Variants in DACH2 observed in about 807,000 individuals in gnomAD.
DACH2 encodes the protein dachshund family transcription factor 2.
In DACH2, 17 loss-of-function variants were observed where a neutral mutation model predicts 35.8. The observed-to-expected ratio is 0.48, with a 90% CI of 0.33 to 0.71. DACH2 has a LOEUF of 0.71. DACH2 is among the 30% of genes least tolerant of loss of function. The probability of loss-of-function intolerance (pLI) is 0.02; values close to 1 mark genes in which losing one functional copy is unlikely to be tolerated. For synonymous variants in DACH2, 195 were observed against 177.3 expected (o/e 1.10, Z -0.79); for missense variants, 469 against 472.7 (o/e 0.99, Z 0.07).
intron 5 of DACH2, among the ~76,000 whole-genome samples, chrX:86,702,344 A>G (rs750507440): frequency 9.0e-6 from 1 of 111,367 alleles, no homozygotes. Context: ...ACAAATTAAC[A>G]ACCTAACATC....
intron 2 of DACH2, among the ~76,000 whole-genome samples, chrX:86,459,268 A>G (rs933827641): frequency 6.3e-5 from 7 of 111,577 alleles, no homozygotes; most frequent in African/African-American, 2.3e-4. Context: ...TGGGACAGAT[A>G]TTTATAGAAG....
chrX:86,160,885 C>A (rs1373084471), intron 1 of DACH2: 5 of 591,174 alleles, frequency 8.5e-6, no homozygotes, highest in East Asian at 3.3e-5. Flanking sequence ...CCAATGCCAC[C>A]AATTTTGTGG....
At chrX:86,232,210 G>A in intron 1 of DACH2, among the ~76,000 whole-genome samples, 1 of 111,479 alleles carries the variant, frequency 9.0e-6, no homozygotes, top group African/African-American at 3.3e-5. Context: ...ACTGAAGATG[G>A]AATAAAGACT....
intron 4 of DACH2, among the ~76,000 whole-genome samples, chrX:86,691,186 A>G (rs2041006324): frequency 9.0e-6 from 1 of 111,414 alleles, no homozygotes. Flanking sequence ...CAAAGCTAGT[A>G]TGGTCTGGTT....
At chrX:86,683,252 G>T in intron 4 of DACH2, among the ~76,000 whole-genome samples, 1 of 110,681 alleles carries the variant, frequency 9.0e-6, no homozygotes, top group African/African-American at 3.3e-5. Context: ...TAAATATTTT[G>T]TTCTTTCTTA....
chrX:86,407,400 G>A (rs773781261), intron 2 of DACH2, among the ~76,000 whole-genome samples: 6 of 111,655 alleles, frequency 5.4e-5, no homozygotes, highest in East Asian at 5.6e-4. Flanking sequence ...TCAATAAAGC[G>A]TGGCTTTTCT....
intron 1 of DACH2, among the ~76,000 whole-genome samples, chrX:86,211,703 T>C (rs1347870243): frequency 3.6e-5 from 4 of 111,986 alleles, no homozygotes; most frequent in African/African-American, 1.3e-4. Flanking sequence ...CCCTTTACCT[T>C]GGCAAAATAT....
intron 11 of DACH2, among the ~76,000 whole-genome samples, chrX:86,824,265 G>T (rs975165692): frequency 2.7e-5 from 3 of 111,227 alleles, no homozygotes; most frequent in Non-Finnish European, 5.7e-5. Context: ...TTCCTTGCTA[G>T]CAAAAGAATT....
intron 1 of DACH2, among the ~76,000 whole-genome samples, chrX:86,290,248 T>C (rs1324818401): frequency 2.2e-4 from 14 of 64,562 alleles, no homozygotes; most frequent in Non-Finnish European, 3.7e-4. Context: ...TCATGTCCTT[T>C]GCCCAATTTT....
At chrX:86,753,435 A>G (rs1183443379) in intron 7 of DACH2, among the ~76,000 whole-genome samples, 1 of 111,934 alleles carries the variant, frequency 8.9e-6, no homozygotes, top group Non-Finnish European at 1.9e-5. Flanking sequence ...TCATAAACAG[A>G]GGAATCTAGA....
chrX:86,738,818 T>C (rs2041623695), intron 6 of DACH2, among the ~76,000 whole-genome samples: 1 of 111,578 alleles, frequency 9.0e-6, no homozygotes, highest in Non-Finnish European at 1.9e-5. Context: ...TTGACCTTGA[T>C]AGATCATAGT....
chrX:86,815,394 C>A (rs2042436880), intron 10 of DACH2, among the ~76,000 whole-genome samples: 1 of 110,280 alleles, frequency 9.1e-6, no homozygotes. Context: ...TGTTTCATCT[C>A]ACTCAGACCC....
chrX:86,311,326 G>A (rs761350656), intron 1 of DACH2, among the ~76,000 whole-genome samples: 33 of 112,089 alleles, frequency 2.9e-4, no homozygotes, highest in African/African-American at 1.1e-3. Flanking sequence ...AAGAAGTGCA[G>A]CAGTGAGCTC....
At chrX:86,307,487 T>G (rs1305181291) in intron 1 of DACH2, among the ~76,000 whole-genome samples, 1 of 111,307 alleles carries the variant, frequency 9.0e-6, no homozygotes, top group Non-Finnish European at 1.9e-5. Flanking sequence ...TGATGAAGCT[T>G]TTTTGCCAGA....
At chrX:86,371,528 C>T (rs2035886976) in intron 1 of DACH2, among the ~76,000 whole-genome samples, 1 of 110,773 alleles carries the variant, frequency 9.0e-6, no homozygotes, top group African/African-American at 3.3e-5. Context: ...TTGGATGCCT[C>T]CTACAAACTT....
chrX:86,263,069 G>A (rs950619981), intron 1 of DACH2: 45 of 621,318 alleles, frequency 7.2e-5, no homozygotes, highest in Non-Finnish European at 8.3e-5. Context: ...GGAGAAAAAA[G>A]CATCATAATA....
At chrX:86,406,350 G>A (rs1311128894) in intron 2 of DACH2, among the ~76,000 whole-genome samples, 3 of 111,257 alleles carry the variant, frequency 2.7e-5, no homozygotes, top group Admixed American at 9.6e-5. Flanking sequence ...AGTAGTCCTC[G>A]ACATAAAGAT....
At chrX:86,757,714 C>T (rs942620894) in intron 7 of DACH2, among the ~76,000 whole-genome samples, 5 of 111,374 alleles carry the variant, frequency 4.5e-5, no homozygotes, top group Admixed American at 1.9e-4. Context: ...TAGCATTTCC[C>T]CCTTCACTTT....
chrX:86,314,719 A>C (rs914212910), intron 1 of DACH2, among the ~76,000 whole-genome samples: 1 of 112,052 alleles, frequency 8.9e-6, no homozygotes, highest in African/African-American at 3.2e-5. Context: ...GATGTGAAGA[A>C]AGTTTGTGTG....
Sources: allele counts gnomAD v4.1 joint callset (sites outside exome capture counted in the v4.1 genomes callset), GRCh38; gene constraint gnomAD v4.1.1; transcripts MANE v1.5; gene names NCBI Gene and HGNC (gene_info 2026-07-23, HGNC 2026-07-21).